Variants in ZBED6 observed in about 807,000 individuals in gnomAD.
The protein encoded by ZBED6 is zinc finger BED-type containing 6.
Under a neutral mutation model 58.4 loss-of-function variants are expected in ZBED6, and 40 were observed. The ratio of observed to expected loss-of-function variants is 0.68; its 90% CI spans 0.53 to 0.89. The LOEUF is 0.89. Ranked by LOEUF, ZBED6 falls within the 40% of genes least tolerant of loss-of-function variation. ZBED6 has a pLI of 0.00. For synonymous variants in ZBED6, 439 were observed against 350.6 expected (o/e 1.25, Z -2.82); for missense variants, 1,057 against 1,003.9 (o/e 1.05, Z -0.71).
At chr1:203,824,513 A>G (rs569606581) in intron 3 of ZBED6, among the ~76,000 whole-genome samples, 9 of 152,248 alleles carry the variant, frequency 5.9e-5, no homozygotes, top group Middle Eastern at 3.4e-3. Context: ...CCAAATCAGT[A>G]CTTGGCCATT....
exon 17 of ZBED6, chr1:203,853,917 C>T (rs1215207652): frequency 6.6e-6 from 1 of 152,616 alleles, no homozygotes. Flanking sequence ...GGATTTTCTA[C>T]TTATTTCGTT....
chr1:203,805,891 A>G (rs1000196772), intron 1 of ZBED6: 11 of 730,798 alleles, frequency 1.5e-5, no homozygotes, highest in African/African-American at 1.8e-5. Context: ...TAAATTCTCA[A>G]TCTGGTCAGT....
exon 1 of ZBED6, chr1:203,800,232 C>A: frequency 7.4e-7 from 1 of 1,351,870 alleles, no homozygotes; most frequent in Non-Finnish European, 1.0e-6. Flanking sequence ...GGTTGCCATC[C>A]AGTATCTAAG....
rs766426267 is a variant in ZBED6, at chr1:203,840,409, T to G, written c.*3741+35T>G. ...TCCTAAGACCAGATTCTGATTATTTTTTTCTTTGCTGTAAGAGCCTTTGCT... is the reference window on the plus strand; with the variant it reads ...TCCTAAGACCAGATTCTGATTATTTGTTTCTTTGCTGTAAGAGCCTTTGCT... On this transcript the variant is annotated intron_variant, in intron 11 of 16. Coordinates refer to ENST00000550078, the Ensembl canonical transcript of ZBED6. 13 of 1,594,374 alleles carry G rather than the reference T, an allele frequency of 8.2e-6. No homozygotes were observed. The East Asian group carries it at 2.9e-4, about 36-fold the overall frequency.
intron 10 of ZBED6, among the ~76,000 whole-genome samples, chr1:203,838,405 A>G (rs1357303797): frequency 1.3e-5 from 2 of 152,242 alleles, no homozygotes; most frequent in Non-Finnish European, 2.9e-5. Flanking sequence ...GGTTCACAGA[A>G]GAAGTTATGT....
chr1:203,803,660 C>T (rs1671213841), intron 1 of ZBED6, among the ~76,000 whole-genome samples: 1 of 152,208 alleles, frequency 6.6e-6, no homozygotes, highest in African/African-American at 2.4e-5. Context: ...GGCTGGAGTG[C>T]AGTGGCATGA....
intron 1 of ZBED6, among the ~76,000 whole-genome samples, chr1:203,810,481 G>A (rs537644826): frequency 2.1e-4 from 32 of 149,498 alleles, no homozygotes; most frequent in Non-Finnish European, 3.4e-4. Flanking sequence ...GTGCAGTGGC[G>A]CGATCTCAGC....
intron 11 of ZBED6, among the ~76,000 whole-genome samples, chr1:203,845,800 G>T (rs1687726965): frequency 6.6e-6 from 1 of 152,118 alleles, no homozygotes; most frequent in Admixed American, 6.6e-5. Flanking sequence ...GGAGATGTAG[G>T]TTGCGGTGAG....
At chr1:203,826,216 C>T (rs984263933) in intron 3 of ZBED6, among the ~76,000 whole-genome samples, 19 of 152,082 alleles carry the variant, frequency 1.2e-4, no homozygotes, top group Admixed American at 6.6e-4. Flanking sequence ...TTGAAAGTAA[C>T]GGTATTTGCT....
At position 203,819,089 on chromosome 1, in the gene ZBED6, T is replaced by TATAC. The variant is rs1336523998; in HGVS notation, c.*2873+401_*2873+402insTACA. On this transcript the variant is annotated intron_variant, in intron 3 of 16. Coordinates refer to ENST00000550078, the Ensembl canonical transcript of ZBED6. ...TCTCAAAAAAAAAAATATATATATA[T>TATAC]ACACACACACACACACACACACACA... Among the ~76,000 whole-genome samples the TATAC allele has an allele frequency of 4.5e-3, 628 of 140,984 alleles. 12 individuals are homozygous for TATAC. The South Asian group carries it at 0.05, about 11-fold the overall frequency. The allele number at this position is 140,984 out of a possible 152,430, so 92.5% of individuals were successfully genotyped here.
intron 3 of ZBED6, among the ~76,000 whole-genome samples, chr1:203,823,217 ATAGAG>A (rs1252448430): frequency 8.5e-5 from 13 of 152,314 alleles, no homozygotes; most frequent in African/African-American, 2.9e-4. Context: ...TATTGCAGCA[ATAGAG>A]TAAAGACACT....
At chr1:203,829,936 G>A (rs1457029479) in intron 6 of ZBED6, 40 bp downstream of exon 6, 1 of 1,559,132 alleles carries the variant, frequency 6.4e-7, no homozygotes, top group Non-Finnish European at 8.8e-7. Flanking sequence ...TAGCACTGTT[G>A]AAACTACCTT....
chr1:203,798,559 C>T (rs1025431641), exon 1 of ZBED6: 17 of 1,536,002 alleles, frequency 1.1e-5, no homozygotes, highest in Non-Finnish European at 1.7e-6. Context: ...TTGAGTGATA[C>T]CTTGCATGGA....
Position 203,844,912 on chromosome 1 carries a change from A to G in ZBED6, c.*3742-2272A>G, listed in dbSNP as rs562706302. The stretch of plus-strand genomic sequence containing the variant: ...TTCTCTCCAGCCCCAACATCTTCAT[A>G]ATGTGCTCTTCGTGGGCAAACTTGC... On this transcript the variant is annotated intron_variant, in intron 11 of 16. Transcript: ENST00000550078. Among the ~76,000 whole-genome samples the G allele has an allele frequency of 9.9e-4, 150 of 152,112 alleles. 1 individual carries two copies. The highest frequency in any genetic ancestry group is 3.5e-3 in the African/African-American group (146 of 41,490).
chr1:203,798,592 A>G (rs1457904945), exon 1 of ZBED6: 1 of 1,536,160 alleles, frequency 6.5e-7, no homozygotes, highest in East Asian at 2.4e-5. Context: ...GGCAGCCAAG[A>G]TTTAACAGCT....
intron 4 of ZBED6, 76 bp downstream of exon 4, chr1:203,828,498 A>T: frequency 6.7e-7 from 1 of 1,501,930 alleles, no homozygotes; most frequent in South Asian, 1.2e-5. Flanking sequence ...TACTTTTCAG[A>T]CATTGACTCC....
At position 203,836,188 on chromosome 1, in the gene ZBED6, G is replaced by A. The variant is rs1345962799; in HGVS notation, c.*3574-1778G>A. 3.3e-5 allele frequency among the ~76,000 whole-genome samples: 5 copies of A among 152,192 alleles called. No homozygotes were observed. In the East Asian group the frequency reaches 7.7e-4, roughly 23 times the overall value. ...CCTTGAGTCCAGGAGTTTGAGTCCA[G>A]TCTGGGCAACATAGCAAGACCCTGT... On this transcript the variant is annotated intron_variant, in intron 9 of 16. Transcript: ENST00000550078.
At chr1:203,801,620 G>T (rs1326988715) in exon 1 of ZBED6, 1 of 152,476 alleles carries the variant, frequency 6.6e-6, no homozygotes, top group Non-Finnish European at 1.5e-5. Flanking sequence ...AAATTGACTA[G>T]TATTAAGTGT....
chr1:203,852,962 G>C (rs1186496556), exon 17 of ZBED6: 1 of 155,580 alleles, frequency 6.4e-6, no homozygotes, highest in East Asian at 1.9e-4. Flanking sequence ...CCTGTAATGT[G>C]GGCATAACTC....
Sources: allele counts gnomAD v4.1 joint callset (sites outside exome capture counted in the v4.1 genomes callset), GRCh38; gene constraint gnomAD v4.1.1; transcripts MANE v1.5; gene names NCBI Gene and HGNC (gene_info 2026-07-23, HGNC 2026-07-21).